Variants in ZFP30 observed in about 807,000 individuals in gnomAD.
The protein encoded by ZFP30 is ZFP30 zinc finger protein.
Under a neutral mutation model 12.3 loss-of-function variants are expected in ZFP30, and 16 were observed. The observed-to-expected ratio is 1.30, with a 90% CI of 0.88 to 1.98. The LOEUF (loss-of-function observed/expected upper bound fraction) is 1.98, where lower values mean the gene tolerates loss of function less well. Among genes scored for constraint, ZFP30 ranks in the 30% most tolerant of loss-of-function variants. The pLI is 0.00. For synonymous variants in ZFP30, 172 were observed against 201.0 expected, an observed-to-expected ratio of 0.86 and a Z score of 1.22; for missense variants, 560 against 611.2, an observed-to-expected ratio of 0.92 and a Z score of 0.88.
Position 37,635,495 on chromosome 19 carries a change from G to A in ZFP30, c.1046C>T (p.Thr349Ile), listed in dbSNP as rs867377020. ...CTTACAATCATAAGGCTTCTCACCA[G>A]TGTGAATTCTCTGATGGAGAGTAAG... ...QQLTLHQRIH[T>I]GEKPYDCKEC... Residue 349 changes from threonine to isoleucine, a missense_variant, in exon 6 of 6, where the codon ACT (threonine) becomes ATT (isoleucine). Coordinates refer to ENST00000684514, the MANE Select transcript of ZFP30 (RefSeq NM_001320669.3). 1 of 1,613,976 alleles carries A rather than the reference G, an allele frequency of 6.2e-7. No homozygotes were observed. Among genetic ancestry groups the A allele is most frequent in the Admixed American group, 1.7e-5 (1 of 60,000 alleles).
At position 37,635,323 on chromosome 19, in the gene ZFP30, T is replaced by G; in HGVS notation, c.1218A>C (p.Gly406=). ...ELISHQGIHI[G]EKPYECKECG... ...ATTCCTTACATTCATAAGGTTTCTC[T>G]CCAATGTGAATACCCTGATGTGAAA... Residue 406 remains glycine, a synonymous_variant, in exon 6 of 6, where the codon GGA becomes GGC. Transcript: ENST00000684514. 6.2e-7 allele frequency: 1 copy of G among 1,611,680 alleles called. No individual in the cohort carries two copies. The highest frequency in any genetic ancestry group is 8.5e-7 in the Non-Finnish European group (1 of 1,179,148).
intron 5 of ZFP30, among the ~76,000 whole-genome samples, chr19:37,639,915 G>A (rs1284634298): frequency 1.3e-5 from 2 of 152,132 alleles, no homozygotes; most frequent in East Asian, 1.9e-4. Context: ...TCAGTTAGAA[G>A]GCTGTTCTAT....
rs1599604156 is a variant in ZFP30, at chr19:37,633,052, T to C, written c.*1929A>G. ...CTGGTGTGGTGGCGGGCGCCTGTAA[T>C]CCCAGCCACTCGGAAGTCTGAGGGA... On this transcript the variant is annotated 3_prime_UTR_variant, in exon 6 of 6. Coordinates refer to ENST00000684514, the MANE Select transcript of ZFP30 (RefSeq NM_001320669.3). 1 of 151,056 alleles carries C rather than the reference T, an allele frequency of 6.6e-6. No homozygotes were observed. The highest frequency in any genetic ancestry group is 2.4e-5 in the African/African-American group (1 of 41,060). 9.4% of individuals were successfully genotyped at this position (151,056 alleles called of 1,614,324 possible). A position where few individuals can be genotyped will look rare whatever the true frequency, so the allele number is the denominator to read the frequency against.
chr19:37,635,129 C>T lies in ZFP30; in HGVS notation c.1412G>A (p.Cys471Tyr). The change falls in exon 6 of 6, where the codon TGT (cysteine) becomes TAT (tyrosine). Residue 471 changes from cysteine (C) to tyrosine (Y), a missense_variant. Physicochemically the swap from Cys to Tyr is radical, Grantham distance 194. Transcript: ENST00000684514. Reference sequence around the variant, plus strand: ...TGAATGAAGTCTAAAGGCCTTTCCACATTCCTTACAGTCATAGGGCTTTTC... The same window carrying T: ...TGAATGAAGTCTAAAGGCCTTTCCATATTCCTTACAGTCATAGGGCTTTTC... ...TGEKPYDCKE[C>Y]GKAFRLHSSL... 1 of 1,613,250 alleles carries T rather than the reference C, an allele frequency of 6.2e-7. No individual in the cohort carries two copies. Among genetic ancestry groups the T allele is most frequent in the Non-Finnish European group, 8.5e-7 (1 of 1,179,650 alleles).
At chr19:37,652,361 G>A (rs1171437466) in intron 2 of ZFP30, among the ~76,000 whole-genome samples, 2 of 152,126 alleles carry the variant, frequency 1.3e-5, no homozygotes, top group Non-Finnish European at 2.9e-5. Flanking sequence ...GAGGTCAGGA[G>A]TTCGAGACCA....
intron 2 of ZFP30, among the ~76,000 whole-genome samples, chr19:37,652,632 G>A (rs1278675609): frequency 6.6e-6 from 1 of 152,038 alleles, no homozygotes; most frequent in East Asian, 1.9e-4. Flanking sequence ...AATATTTTGG[G>A]AAAATATGCT....
In ZFP30 at chr19:37,631,680, T is replaced by TAAAAAAAAAAAA. The variant is rs59250127; in HGVS notation, c.*3289_*3300dup. 7 of 111,378 alleles carry TAAAAAAAAAAAA rather than the reference T, an allele frequency of 6.3e-5. No homozygotes were observed. The highest frequency in any genetic ancestry group is 1.2e-4 in the Non-Finnish European group (6 of 49,972). 6.9% of individuals were successfully genotyped at this position (111,378 alleles called of 1,614,324 possible). ...ATTCCATTCTTAATACATAGAAAGC[T>TAAAAAAAAAAAA]AAAAAAAAAAAAAAAAAAAAGACAA... is the stretch of plus-strand genomic sequence containing the variant. On this transcript the variant is annotated 3_prime_UTR_variant, in exon 6 of 6. Coordinates refer to ENST00000684514, the MANE Select transcript of ZFP30 (RefSeq NM_001320669.3).
chr19:37,648,272 G>A (rs2044581098), intron 2 of ZFP30, among the ~76,000 whole-genome samples: 1 of 152,040 alleles, frequency 6.6e-6, no homozygotes, highest in Non-Finnish European at 1.5e-5. Flanking sequence ...CAGCTGAAAA[G>A]GGGCTACACC....
Position 37,644,613 on chromosome 19 carries a change from G to C in ZFP30, c.133C>G (p.Leu45Val). 2 of 1,602,688 alleles carry C rather than the reference G, an allele frequency of 1.2e-6. No homozygotes were observed. Among genetic ancestry groups the C allele is most frequent in the Non-Finnish European group, 1.7e-6 (2 of 1,175,572 alleles). ...GACACAGATATGCTAGGCTTACCCA[G>C]TGACACCAAGTTGCTATAGTTCTCT... ...ILENYSNLVS[L>V]AGCSISKPDV... The change falls in exon 4 of 6, where the codon CTG (leucine) becomes GTG (valine). Residue 45 changes from leucine to valine, a missense_variant. Physicochemically the swap from Leu to Val is conservative, Grantham distance 32. Coordinates refer to ENST00000684514, the MANE Select transcript of ZFP30 (RefSeq NM_001320669.3).
In ZFP30 at chr19:37,639,835, T is replaced by C. The variant is rs185299837; in HGVS notation, c.235+3430A>G. ...AATTGCCAGTGTTGATAAGGTGAAC[T>C]TGAGATTGTCATATATGGCTCCCTA... On this transcript the variant is annotated intron_variant, in intron 5 of 5. Coordinates refer to ENST00000684514, the MANE Select transcript of ZFP30 (RefSeq NM_001320669.3). Among the ~76,000 whole-genome samples, 3 of 152,078 alleles carry C rather than the reference T, an allele frequency of 2.0e-5. No individual in the cohort carries two copies. In the East Asian group the frequency reaches 5.8e-4, roughly 29 times the overall value.
intron 3 of ZFP30, among the ~76,000 whole-genome samples, chr19:37,647,367 T>C (rs2044563612): frequency 1.3e-5 from 2 of 152,162 alleles, no homozygotes; most frequent in African/African-American, 4.8e-5. Flanking sequence ...AATTCAATCA[T>C]GGGGGCAGTT....
intron 3 of ZFP30, among the ~76,000 whole-genome samples, chr19:37,646,267 G>A (rs1338575589): frequency 6.6e-6 from 1 of 151,994 alleles, no homozygotes; most frequent in Non-Finnish European, 1.5e-5. Context: ...GGGTAACGAG[G>A]GACTGCTGTA....
In ZFP30 at chr19:37,649,961, G is replaced by A. The variant is rs2044616911; in HGVS notation, c.-77-2062C>T. 2.0e-5 allele frequency among the ~76,000 whole-genome samples: 3 copies of A among 152,170 alleles called. 1 individual carries two copies. The South Asian group carries it at 6.2e-4, about 32-fold the overall frequency. On this transcript the variant is annotated intron_variant, in intron 2 of 5. Transcript: ENST00000684514. ...AGAAGACAGGTTAGAAAATATGATTGTAATGTAATTGTATTTCGGCAGGTA... is the reference window on the plus strand; with the variant it reads ...AGAAGACAGGTTAGAAAATATGATTATAATGTAATTGTATTTCGGCAGGTA...
intron 3 of ZFP30, among the ~76,000 whole-genome samples, chr19:37,647,062 A>G (rs912123946): frequency 6.6e-6 from 1 of 152,206 alleles, no homozygotes; most frequent in Non-Finnish European, 1.5e-5. Context: ...ACTAGTCTAC[A>G]CTTTTAAAAT....
chr19:37,643,529 C>T lies in ZFP30; in HGVS notation c.137-166G>A, dbSNP rs187840415. On this transcript the variant is annotated intron_variant, in intron 4 of 5. Coordinates refer to ENST00000684514, the MANE Select transcript of ZFP30 (RefSeq NM_001320669.3). ...GGTTTTATTTTAATTTAAACTTACA[C>T]AGGCTCTGTCTCTTGAGAGAAAAGA... Among the ~76,000 whole-genome samples the T allele has an allele frequency of 4.2e-3, 638 of 152,318 alleles. 5 individuals carry two copies. The highest frequency in any genetic ancestry group is 6.3e-3 in the Non-Finnish European group (426 of 68,036).
At chr19:37,643,054 A>AG (rs1299231848) in intron 5 of ZFP30, among the ~76,000 whole-genome samples, 1 of 146,552 alleles carries the variant, frequency 6.8e-6, no homozygotes, top group Non-Finnish European at 1.5e-5. Flanking sequence ...CTCCGTCTCA[A>AG]AAAAAAAAAA....
rs2044246615 is a variant in ZFP30, at chr19:37,632,309, C to T, written c.*2672G>A. ...GTATAAATATAAATATATATACCTA[C>T]ACACTATACACACACACATTACATA... On this transcript the variant is annotated 3_prime_UTR_variant, in exon 6 of 6. Coordinates refer to ENST00000684514, the MANE Select transcript of ZFP30 (RefSeq NM_001320669.3). 6.6e-6 allele frequency: 1 copy of T among 151,938 alleles called. No individual in the cohort carries two copies. Among genetic ancestry groups the T allele is most frequent in the Non-Finnish European group, 1.5e-5 (1 of 67,972 alleles). The allele number at this position is 151,938 out of a possible 1,614,324, so 9.4% of individuals were successfully genotyped here.
chr19:37,636,344 A>C, intron 5 of ZFP30, 39 bp from the exon 6 acceptor site: 1 of 1,504,636 alleles, frequency 6.6e-7, no homozygotes, highest in South Asian at 1.4e-5. Flanking sequence ...TTCCTGTTCT[A>C]CACAAAATAA....
At chr19:37,638,835 C>T (rs2972447) in intron 5 of ZFP30, among the ~76,000 whole-genome samples, 113,361 of 151,950 alleles carry the variant, frequency 0.75, 42,960 homozygotes, top group Middle Eastern at 0.83. Flanking sequence ...GAGGAATGAC[C>T]GAAAGAAGTC....
Sources: allele counts gnomAD v4.1 joint callset (sites outside exome capture counted in the v4.1 genomes callset), GRCh38; gene constraint gnomAD v4.1.1; transcripts MANE v1.5; gene names NCBI Gene and HGNC (gene_info 2026-07-23, HGNC 2026-07-21).